Variants in ARIH2 observed in about 807,000 individuals in gnomAD.
The protein encoded by ARIH2 is E3 ubiquitin-protein ligase ARIH2.
ARIH2 carries 12 observed loss-of-function variants against 79.8 expected under a neutral mutation model. The ratio of observed to expected loss-of-function variants is 0.15; its 90% CI spans 0.10 to 0.24. The LOEUF is 0.24. Among genes scored for constraint, ARIH2 ranks in the 10% least tolerant of loss-of-function variants. The pLI is 1.00. For synonymous variants in ARIH2, 224 were observed against 213.9 expected (o/e 1.05, Z -0.41); for missense variants, 301 against 618.3 (o/e 0.49, Z 5.44).
intron 3 of ARIH2, among the ~76,000 whole-genome samples, chr3:48,938,669 A>G (rs1204828080): frequency 6.6e-6 from 1 of 152,168 alleles, no homozygotes; most frequent in African/African-American, 2.4e-5. Flanking sequence ...TTTAAATACT[A>G]TGAAAATGAA....
intron 3 of ARIH2, among the ~76,000 whole-genome samples, chr3:48,946,074 T>C (rs577100887): frequency 1.6e-4 from 24 of 152,098 alleles, no homozygotes; most frequent in Non-Finnish European, 2.9e-4. Context: ...CAGAACAAAA[T>C]GCTGAGATTG....
chr3:48,973,373 C>A (rs369483306), intron 8 of ARIH2, among the ~76,000 whole-genome samples: 21 of 152,022 alleles, frequency 1.4e-4, no homozygotes, highest in Non-Finnish European at 1.3e-4. Flanking sequence ...GTCAGGAGAT[C>A]GAGACCATCC....
At chr3:48,957,537 C>G (rs1488494954) in intron 3 of ARIH2, among the ~76,000 whole-genome samples, 1 of 152,072 alleles carries the variant, frequency 6.6e-6, no homozygotes, top group Non-Finnish European at 1.5e-5. Flanking sequence ...CTCTGAGTTA[C>G]TAGGTGGCAT....
rs530906492 is a variant in ARIH2 at position 48,920,640 on chromosome 3, T to C, written c.-162+1642T>C. On this transcript the variant is annotated intron_variant, in intron 1 of 15. Transcript: ENST00000356401. ...GAGTAGCTGGGATTACAGCTGGGAT[T>C]ACACCCAGGCTGGTTGGAGGGCAGT... Among the ~76,000 whole-genome samples the C allele has an allele frequency of 3.8e-4, 27 of 71,278 alleles. 9 individuals are homozygous for C. Among genetic ancestry groups the C allele is most frequent in the African/African-American group, 1.2e-3 (27 of 22,490 alleles). 46.8% of individuals were successfully genotyped at this position (71,278 alleles called of 152,430 possible).
chr3:48,950,352 C>G (rs898048213), intron 3 of ARIH2, among the ~76,000 whole-genome samples: 13 of 151,846 alleles, frequency 8.6e-5, no homozygotes, highest in African/African-American at 2.7e-4. Context: ...CCTACTTTTC[C>G]ATTTTCTAAA....
chr3:48,919,047 G>C (rs1576016249), intron 1 of ARIH2, 49 bp downstream of exon 1: 1 of 1,327,302 alleles, frequency 7.5e-7, no homozygotes, highest in Non-Finnish European at 9.6e-7. Context: ...GCTGGCCGCT[G>C]GGGGGGCCTC....
chr3:48,968,718 A>G, intron 7 of ARIH2, 63 bp downstream of exon 7: 1 of 1,566,712 alleles, frequency 6.4e-7, no homozygotes, highest in African/African-American at 1.4e-5. Context: ...GAGGGTCACC[A>G]CAGTTACTTA....
chr3:48,983,151 C>G, intron 15 of ARIH2, 48 bp from the exon 16 acceptor site: 1 of 1,607,440 alleles, frequency 6.2e-7, no homozygotes, highest in Non-Finnish European at 8.5e-7. Flanking sequence ...CTACTCCTTG[C>G]TCCCAGGCCT....
chr3:48,960,751 C>T (rs1466833109), intron 3 of ARIH2, among the ~76,000 whole-genome samples: 2 of 147,206 alleles, frequency 1.4e-5, no homozygotes, highest in African/African-American at 5.0e-5. Context: ...GTGACAAAGA[C>T]TGTCTCAAAA....
In ARIH2 at chr3:48,983,192, G is replaced by C; in HGVS notation, c.1411-7G>C. On this transcript the variant is annotated splice_polypyrimidine_tract_variant and splice_region_variant and intron_variant, in intron 15 of 15. Coordinates refer to ENST00000356401, the MANE Select transcript of ARIH2 (RefSeq NM_006321.4). ...ATGCAAGCACACACCTTGTTTCTCT[G>C]ATGCAGGACTTGGAGAACCAGATGC... is the stretch of plus-strand genomic sequence containing the variant. The C allele has an allele frequency of 6.2e-7, 1 of 1,614,228 alleles. No homozygotes were observed. The highest frequency in any genetic ancestry group is 8.5e-7 in the Non-Finnish European group (1 of 1,180,042).
chr3:48,919,500 G>A (rs960904540), intron 1 of ARIH2: 12 of 223,024 alleles, frequency 5.4e-5, no homozygotes, highest in Admixed American at 1.2e-4. Flanking sequence ...TGGTTGGGCA[G>A]CCGCGTTCTT....
At position 48,974,830 on chromosome 3, in the gene ARIH2, A is replaced by G; in HGVS notation, c.902A>G (p.Asn301Ser). ...SAHTKDCPKC[N>S]ICIEKNGGCN... ...CTGTCTCCTCAGTGTCCCAAGTGCA[A>G]CATCTGCATTGAGAAGAATGGAGGC... The change falls in exon 10 of 16, where the codon AAC becomes AGC. Residue 301 changes from asparagine to serine, a missense_variant. Physicochemically the swap from Asn to Ser is conservative, Grantham distance 46 (BLOSUM62 1). Transcript: ENST00000356401. 6.2e-7 allele frequency: 1 copy of G among 1,613,614 alleles called. No individual in the cohort carries two copies. The highest frequency in any genetic ancestry group is 8.5e-7 in the Non-Finnish European group (1 of 1,180,030).
At chr3:48,941,342 A>G (rs1039299232) in intron 3 of ARIH2, among the ~76,000 whole-genome samples, 1 of 152,180 alleles carries the variant, frequency 6.6e-6, no homozygotes, top group Admixed American at 6.6e-5. Context: ...TGCTTTATAT[A>G]TCAAAAAGTT....
chr3:48,952,990 C>T (rs760462772), intron 3 of ARIH2, among the ~76,000 whole-genome samples: 3 of 151,944 alleles, frequency 2.0e-5, no homozygotes, highest in Non-Finnish European at 4.4e-5. Context: ...AGTGCAGTGG[C>T]GCGATCTTGG....
chr3:48,965,018 T>C (rs1394436872), intron 5 of ARIH2, 36 bp downstream of exon 5: 8 of 1,589,564 alleles, frequency 5.0e-6, no homozygotes, highest in African/African-American at 1.3e-5. Context: ...CTTCTCCTAA[T>C]TGCATGTGGT....
At chr3:48,938,913 CAAAAAAAAAAA>C (rs1158929356) in intron 3 of ARIH2, among the ~76,000 whole-genome samples, 8 of 54,414 alleles carry the variant, frequency 1.5e-4, no homozygotes, top group African/African-American at 5.1e-4. Flanking sequence ...GTCTTTAGAC[CAAAAAAAAAAA>C]AAAAAAAAAA....
intron 3 of ARIH2, among the ~76,000 whole-genome samples, chr3:48,953,934 C>T (rs1364658340): frequency 4.0e-5 from 6 of 151,634 alleles, no homozygotes; most frequent in African/African-American, 7.3e-5. Flanking sequence ...GAGGCCGAAG[C>T]GGGTGGATCA....
intron 3 of ARIH2, 34 bp from the exon 4 acceptor site, chr3:48,961,578 T>G (rs950188287): frequency 1.0e-5 from 14 of 1,343,052 alleles, no homozygotes; most frequent in Non-Finnish European, 1.5e-5. Flanking sequence ...GAAAATGCAG[T>G]TATAATTCGA....
chr3:48,927,990 C>A (rs959540610), intron 3 of ARIH2, 177 bp downstream of exon 3: 5 of 759,018 alleles, frequency 6.6e-6, no homozygotes, highest in Admixed American at 6.2e-5. Flanking sequence ...CTAATATATG[C>A]ATGTCTAAGG....
Sources: gnomAD v4.1 joint callset for allele counts (sites outside exome capture counted in the v4.1 genomes callset) on GRCh38, gnomAD v4.1.1 for gene constraint, MANE v1.5 for transcripts, NCBI Gene and HGNC (gene_info 2026-07-23, HGNC 2026-07-21) for gene names.